VWCE: variants seen among roughly 807,000 people sequenced by gnomAD.
VWCE encodes von Willebrand factor C and EGF domains.
VWCE carries 68 observed loss-of-function variants against 102.9 expected under a neutral mutation model. That is an observed-to-expected ratio of 0.66 (90% CI 0.54 to 0.81). The LOEUF (loss-of-function observed/expected upper bound fraction) is 0.81, where lower values mean the gene tolerates loss of function less well. Ranked by LOEUF, VWCE falls within the 30% of genes least tolerant of loss-of-function variation. The pLI is 0.00. For synonymous variants in VWCE, 497 were observed against 515.4 expected, an observed-to-expected ratio of 0.96 and a Z score of 0.48; for missense variants, 1,137 against 1,263.6, an observed-to-expected ratio of 0.90 and a Z score of 1.52.
At chr11:61,291,020 T>A (rs1855487259) in intron 3 of VWCE, 93 bp from the exon 4 acceptor site, 1 of 1,523,310 alleles carries the variant, frequency 6.6e-7, no homozygotes, top group Non-Finnish European at 8.8e-7. Context: ...GTTGGGAGGG[T>A]AGCTCTGAAG....
At position 61,294,573 on chromosome 11, in the gene VWCE, C is replaced by G. The variant is rs866450401; in HGVS notation, c.110+355G>C. ...GCCAGGCGCTGCCCGGGCAGAGCCA[C>G]GGGCACGCTGGGGGGTGAGCCAGCC... On this transcript the variant is annotated intron_variant, in intron 1 of 19. Coordinates refer to ENST00000335613, the MANE Select transcript of VWCE (RefSeq NM_152718.2). This position sits in a 1 kb window ranked among gnomAD's most constrained non-coding sequence, Gnocchi z 6.3. Among the ~76,000 whole-genome samples the G allele has an allele frequency of 3.0e-3, 454 of 152,272 alleles. 1 individual carries two copies. Among genetic ancestry groups the G allele is most frequent in the African/African-American group, 0.011 (438 of 41,582 alleles).
In VWCE at chr11:61,266,053, A is replaced by AT. The variant is rs112044390; in HGVS notation, c.1966-842_1966-841insA. ...GAGTGAGACTCTGTCTCAAAAAAAA[A>AT]AAAATAAAATAAAATAATTATTTTT... On this transcript the variant is annotated intron_variant, in intron 16 of 19. Transcript: ENST00000335613. 5.3e-5 allele frequency among the ~76,000 whole-genome samples: 8 copies of AT among 151,780 alleles called. 1 individual carries two copies. Among genetic ancestry groups the AT allele is most frequent in the African/African-American group, 1.9e-4 (8 of 41,304 alleles).
chr11:61,258,676 T>C lies in VWCE; in HGVS notation c.2867A>G (p.Ter956=), dbSNP rs775700613. Residue 956 remains the stop codon, a stop_retained_variant, in exon 20 of 20, where the codon TAA becomes TGA. Coordinates refer to ENST00000335613, the MANE Select transcript of VWCE (RefSeq NM_152718.2). ...GASRGEESTM[*] ...AGTCTCCCGGACACAGTGACCTCCT[T>C]ACATGGTGGACTCTTCCCCCCGAGA... 5 of 1,387,494 alleles carry C rather than the reference T, an allele frequency of 3.6e-6. No individual in the cohort carries two copies. The African/African-American group carries it at 5.9e-5, about 16-fold the overall frequency. 85.9% of individuals were successfully genotyped at this position (1,387,494 alleles called of 1,614,324 possible). A position where few individuals can be genotyped will look rare whatever the true frequency, so the allele number is the denominator to read the frequency against.
At chr11:61,264,251 A>T (rs1318205643) in intron 19 of VWCE, among the ~76,000 whole-genome samples, 18 of 145,338 alleles carry the variant, frequency 1.2e-4, no homozygotes, top group African/African-American at 3.8e-4. Context: ...AAAAAAAAAA[A>T]GCAGAAGAAG....
chr11:61,266,163 G>T (rs1854508804), intron 16 of VWCE, among the ~76,000 whole-genome samples: 1 of 152,174 alleles, frequency 6.6e-6, no homozygotes, highest in African/African-American at 2.4e-5. Flanking sequence ...AGGAATTCAA[G>T]ACCAGCCTAG....
At chr11:61,265,686 C>G (rs1470333838) in intron 16 of VWCE, among the ~76,000 whole-genome samples, 1 of 152,216 alleles carries the variant, frequency 6.6e-6, no homozygotes, top group Non-Finnish European at 1.5e-5. Flanking sequence ...CAAAGAAATA[C>G]CGCATCTGCA....
In VWCE at chr11:61,276,615, C is replaced by A. The variant is rs76740605; in HGVS notation, c.1473G>T (p.Thr491=). The part of the protein sequence containing the change: ...PSGPCQTPPQ[T]DCCTCVPVRC... ...TACCTGGAACACAAGTACAGCAATC[C>A]GTCTGTGGGGGGGTCTGACAGGGGC... The change falls in exon 11 of 20, where the codon ACG becomes ACT. Residue 491 remains threonine, a synonymous_variant. Transcript: ENST00000335613. 1.3e-6 allele frequency: 2 copies of A among 1,599,454 alleles called. No homozygotes were observed. The highest frequency in any genetic ancestry group is 4.5e-5 in the East Asian group (2 of 44,184).
chr11:61,283,644 C>T (rs970704270), intron 5 of VWCE, among the ~76,000 whole-genome samples: 3 of 152,214 alleles, frequency 2.0e-5, no homozygotes, highest in Non-Finnish European at 2.9e-5. Flanking sequence ...CTCCTGACCT[C>T]AGGCGATCCA....
intron 5 of VWCE, among the ~76,000 whole-genome samples, chr11:61,284,525 T>C (rs1429828799): frequency 6.6e-6 from 1 of 152,158 alleles, no homozygotes; most frequent in East Asian, 1.9e-4. Context: ...AAAATCGTGT[T>C]GAAGCCCTAA....
At position 61,280,796 on chromosome 11, in the gene VWCE, G is replaced by A. The variant is rs1007422654; in HGVS notation, c.1227C>T (p.Cys409=). ...TCCGGGGACCCCTAGTACCCACCTC[G>A]CACCAGCACTGGGAACACCCAGGCT... ...WTEPGCSQCW[C]EDGKVTCEKV... The change falls in exon 8 of 20, where the codon TGC becomes TGT. Residue 409 remains cysteine, a synonymous_variant. Transcript: ENST00000335613. 4 of 1,598,300 alleles carry A rather than the reference G, an allele frequency of 2.5e-6. No individual in the cohort carries two copies. Among genetic ancestry groups the A allele is most frequent in the Non-Finnish European group, 3.4e-6 (4 of 1,172,248 alleles).
At chr11:61,272,494 T>C (rs1854748494) in intron 13 of VWCE, among the ~76,000 whole-genome samples, 2 of 147,660 alleles carry the variant, frequency 1.4e-5, no homozygotes, top group Non-Finnish European at 3.0e-5. Flanking sequence ...TACACATACA[T>C]GCTCATACAC....
intron 1 of VWCE, 42 bp from the exon 2 acceptor site, chr11:61,291,618 G>C: frequency 7.3e-7 from 1 of 1,374,168 alleles, no homozygotes; most frequent in African/African-American, 1.5e-5. Flanking sequence ...CTATACTGGG[G>C]GAGACATTGG....
chr11:61,268,221 A>T (rs887882087), intron 15 of VWCE, among the ~76,000 whole-genome samples: 19 of 152,116 alleles, frequency 1.2e-4, no homozygotes, highest in African/African-American at 4.6e-4. Context: ...GTCCTTGCTA[A>T]TATTCTTTAT....
In VWCE at chr11:61,264,580, G is replaced by A. The variant is rs763275140; in HGVS notation, c.2140-3C>T. The A allele has an allele frequency of 2.5e-6, 4 of 1,605,730 alleles. No homozygotes were observed. The highest frequency in any genetic ancestry group is 1.7e-5 in the Admixed American group (1 of 58,788). On this transcript the variant is annotated splice_region_variant and splice_polypyrimidine_tract_variant and intron_variant, in intron 18 of 19. Coordinates refer to ENST00000335613, the MANE Select transcript of VWCE (RefSeq NM_152718.2). ...TTCTCACAGCTCACCTCTCCCAGCT[G>A]GGGAAGCAGAAGGAACCCCATGAGG...
rs1353488781 is a variant in VWCE at position 61,258,563 on chromosome 11, CA to C, written c.*111del. On this transcript the variant is annotated 3_prime_UTR_variant, in exon 20 of 20. Transcript: ENST00000335613. ...TCTTCCATCCTCACCAGGGCCCCTG[CA>C]GGAGGGAGCCCAGGCATCCCCACCA... 65 of 1,134,024 alleles carry C rather than the reference CA, an allele frequency of 5.7e-5. No homozygotes were observed. The highest frequency in any genetic ancestry group is 7.3e-5 in the Non-Finnish European group (64 of 881,114). 70.2% of individuals were successfully genotyped at this position (1,134,024 alleles called of 1,614,324 possible).
intron 1 of VWCE, among the ~76,000 whole-genome samples, chr11:61,293,159 T>C (rs927132343): frequency 1.3e-4 from 19 of 145,398 alleles, no homozygotes; most frequent in African/African-American, 5.0e-4. Context: ...GAGAATTGCT[T>C]GAACCTGGGA....
Position 61,295,080 on chromosome 11 carries a change from GC to G in VWCE, c.-44del. 2.4e-6 allele frequency: 3 copies of G among 1,242,910 alleles called. No homozygotes were observed. The highest frequency in any genetic ancestry group is 3.1e-6 in the Non-Finnish European group (3 of 977,246). 77.0% of individuals were successfully genotyped at this position (1,242,910 alleles called of 1,614,324 possible). ...CCCCCGGGCTGGGCTCGGCTCCTGC[GC>G]CGCGCGCGGGAGAGGGGGCTGCCGG... On this transcript the variant is annotated 5_prime_UTR_variant, in exon 1 of 20. Transcript: ENST00000335613. This position sits in a 1 kb window ranked among gnomAD's most constrained non-coding sequence, Gnocchi z 4.6.
intron 14 of VWCE, among the ~76,000 whole-genome samples, chr11:61,269,748 T>C (rs1466423600): frequency 1.3e-5 from 2 of 151,476 alleles, no homozygotes; most frequent in African/African-American, 4.9e-5. Flanking sequence ...AACCGGCCTC[T>C]TTTTCTTTAA....
chr11:61,271,612 T>A, intron 14 of VWCE, 63 bp downstream of exon 14: 1 of 1,513,742 alleles, frequency 6.6e-7, no homozygotes, highest in South Asian at 1.2e-5. Flanking sequence ...AGGACGCTTG[T>A]CTCCTCTGGG....
Sources: gnomAD v4.1 joint callset for allele counts (sites outside exome capture counted in the v4.1 genomes callset) on GRCh38, gnomAD v4.1.1 for gene constraint, Gnocchi (gnomAD v3.1) non-coding constraint, MANE v1.5 for transcripts, NCBI Gene and HGNC (gene_info 2026-07-23, HGNC 2026-07-21) for gene names.